Variants in SLC30A9 observed in about 807,000 individuals in gnomAD.
SLC30A9 encodes proton-coupled zinc antiporter SLC30A9, mitochondrial.
In SLC30A9, 58 loss-of-function variants were observed where a neutral mutation model predicts 87.5. The ratio of observed to expected loss-of-function variants is 0.66; its 90% CI spans 0.54 to 0.82. SLC30A9 has a LOEUF of 0.82. SLC30A9 is among the 40% of genes least tolerant of loss of function. The probability of loss-of-function intolerance (pLI) is 0.00; values close to 1 mark genes in which losing one functional copy is unlikely to be tolerated. For synonymous variants in SLC30A9, 234 were observed against 233.0 expected, an observed-to-expected ratio of 1.00 and a Z score of -0.04; for missense variants, 557 against 679.1, an observed-to-expected ratio of 0.82 and a Z score of 2.00.
At chr4:42,025,847 A>G (rs1033944311) in intron 6 of SLC30A9, among the ~76,000 whole-genome samples, 1 of 152,060 alleles carries the variant, frequency 6.6e-6, no homozygotes, top group Non-Finnish European at 1.5e-5. Flanking sequence ...TTGTATTTTT[A>G]GTAGAGACAG....
At chr4:42,001,970 G>A (rs1349367489) in intron 2 of SLC30A9, among the ~76,000 whole-genome samples, 190 bp downstream of exon 2, 2 of 151,778 alleles carry the variant, frequency 1.3e-5, no homozygotes, top group East Asian at 1.9e-4. Context: ...AGTTTTCTAC[G>A]AAAAACTATC....
Position 42,086,661 on chromosome 4 carries a change from C to G in SLC30A9, c.*535C>G, listed in dbSNP as rs770926320. 1 of 152,602 alleles carries G rather than the reference C, an allele frequency of 6.6e-6. No individual in the cohort carries two copies. Among genetic ancestry groups the G allele is most frequent in the Non-Finnish European group, 1.5e-5 (1 of 68,056 alleles). The allele number at this position is 152,602 out of a possible 1,614,324, so 9.5% of individuals were successfully genotyped here. The stretch of plus-strand genomic sequence containing the variant: ...TTTCTCCATACCTTGTGATTTTGAC[C>G]TGAGTGCTAAGAGAATCACTCTCCT... On this transcript the variant is annotated 3_prime_UTR_variant, in exon 18 of 18. Transcript: ENST00000264451.
intron 2 of SLC30A9, among the ~76,000 whole-genome samples, chr4:42,017,405 A>T (rs1715771313): frequency 6.7e-6 from 1 of 148,732 alleles, no homozygotes; most frequent in Non-Finnish European, 1.5e-5. Context: ...TTACTTGATG[A>T]ACAGTTTTTC....
At chr4:42,078,381 C>T (rs539745959) in intron 17 of SLC30A9, 56 bp downstream of exon 17, 12 of 906,332 alleles carry the variant, frequency 1.3e-5, no homozygotes, top group Admixed American at 1.0e-4. Context: ...TTTTTGAGTA[C>T]TTACTCTACA....
At chr4:42,036,455 C>G (rs929161849) in intron 7 of SLC30A9, among the ~76,000 whole-genome samples, 2 of 152,118 alleles carry the variant, frequency 1.3e-5, no homozygotes, top group South Asian at 4.1e-4. Context: ...AACCCCACCA[C>G]CCCACTGAAA....
Position 42,029,466 on chromosome 4 carries a change from G to A in SLC30A9, c.611-5809G>A, listed in dbSNP as rs887872271. The A allele has an allele frequency of 1.5e-5, 10 of 655,216 alleles. No homozygotes were observed. In the African/African-American group the frequency reaches 1.8e-4, roughly 12 times the overall value. 40.6% of individuals were successfully genotyped at this position (655,216 alleles called of 1,614,324 possible). On this transcript the variant is annotated intron_variant, in intron 6 of 17. Transcript: ENST00000264451. ...GATTAACACAGATTTCTCAGATCCA[G>A]CAGACTGAAATTGCCTTTCATCCTA...
intron 17 of SLC30A9, among the ~76,000 whole-genome samples, chr4:42,081,954 A>G (rs1718753840): frequency 6.6e-6 from 1 of 152,212 alleles, no homozygotes; most frequent in Non-Finnish European, 1.5e-5. Context: ...GCGGTTGCTC[A>G]TGCCTGTAAT....
At chr4:42,028,868 T>A (rs980862020) in intron 6 of SLC30A9, among the ~76,000 whole-genome samples, 2 of 152,232 alleles carry the variant, frequency 1.3e-5, no homozygotes, top group African/African-American at 4.8e-5. Context: ...TATCAAACAC[T>A]GAGTGGCTTA....
At chr4:42,078,788 G>A (rs1324319667) in intron 17 of SLC30A9, 1 of 152,330 alleles carries the variant, frequency 6.6e-6, no homozygotes, top group African/African-American at 2.4e-5. Flanking sequence ...TTATGTTACT[G>A]AAATATTACC....
intron 5 of SLC30A9, 87 bp from the exon 6 acceptor site, chr4:42,023,215 G>A (rs1035797965): frequency 3.2e-6 from 3 of 935,158 alleles, no homozygotes; most frequent in Non-Finnish European, 5.2e-6. Flanking sequence ...TTTGTTGTAA[G>A]ATTCTCATTA....
intron 5 of SLC30A9, 79 bp downstream of exon 5, chr4:42,023,009 AT>A (rs1716039224): frequency 2.5e-6 from 2 of 805,890 alleles, no homozygotes; most frequent in Non-Finnish European, 3.9e-6. Context: ...CAGAGTCAGA[AT>A]TTTTTAAATG....
rs189713720 is a variant in SLC30A9 at position 42,087,695 on chromosome 4, A to G, written c.*1569A>G. 1.3e-5 allele frequency: 2 copies of G among 150,886 alleles called. No individual in the cohort carries two copies. The highest frequency in any genetic ancestry group is 2.4e-5 in the African/African-American group (1 of 41,186). 9.3% of individuals were successfully genotyped at this position (150,886 alleles called of 1,614,324 possible). A position where few individuals can be genotyped will look rare whatever the true frequency, so the allele number is the denominator to read the frequency against. ...TTTAAGATAGAAAATTGTTATATATATATATAATTTGATACTCTATTCTTA... is the reference window on the plus strand; with the variant it reads ...TTTAAGATAGAAAATTGTTATATATGTATATAATTTGATACTCTATTCTTA... On this transcript the variant is annotated 3_prime_UTR_variant, in exon 18 of 18. Coordinates refer to ENST00000264451, the MANE Select transcript of SLC30A9 (RefSeq NM_006345.4).
At chr4:42,024,690 A>AGG (rs1324887580) in intron 6 of SLC30A9, among the ~76,000 whole-genome samples, 2 of 152,162 alleles carry the variant, frequency 1.3e-5, no homozygotes, top group African/African-American at 2.4e-5. Context: ...ACAGTGTATG[A>AGG]GGGAGACTAT....
rs551932191 is a variant in SLC30A9 at position 42,005,803 on chromosome 4, A to T, written c.274+4023A>T. Among the ~76,000 whole-genome samples, 3 of 152,348 alleles carry T rather than the reference A, an allele frequency of 2.0e-5. No homozygotes were observed. The South Asian group carries it at 6.2e-4, about 32-fold the overall frequency. On this transcript the variant is annotated intron_variant, in intron 2 of 17. Transcript: ENST00000264451. Reference sequence around the variant, plus strand: ...AAGGAAGCATTAAAGGAAGTCCTTTATTCATTTATTCATTAATTTACTCAA... The same window carrying T: ...AAGGAAGCATTAAAGGAAGTCCTTTTTTCATTTATTCATTAATTTACTCAA...
At chr4:42,018,806 T>G (rs114299342) in intron 3 of SLC30A9, among the ~76,000 whole-genome samples, 2,427 of 152,340 alleles carry the variant, frequency 0.016, 32 homozygotes, top group South Asian at 0.022. Context: ...AGGGTAACTT[T>G]GATTAACACA....
Position 42,001,874 on chromosome 4 carries a change from T to C in SLC30A9, c.274+94T>C, listed in dbSNP as rs994026049. The C allele has an allele frequency of 5.7e-5, 47 of 817,660 alleles. No homozygotes were observed. The South Asian group carries it at 8.2e-4, about 14-fold the overall frequency. The allele number at this position is 817,660 out of a possible 1,614,324, so 50.7% of individuals were successfully genotyped here. ...CTGGATGTTTGATAGAACTTACTTA[T>C]AATACTGTCTGGACTGATGTTTTCT... On this transcript the variant is annotated intron_variant, in intron 2 of 17. Coordinates refer to ENST00000264451, the MANE Select transcript of SLC30A9 (RefSeq NM_006345.4).
At chr4:42,008,867 G>A (rs2660319) in intron 2 of SLC30A9, among the ~76,000 whole-genome samples, 94,425 of 152,064 alleles carry the variant, frequency 0.62, 33,892 homozygotes, top group East Asian at 0.95. Flanking sequence ...GGGTTTACCT[G>A]TGCAATTTCT....
intron 6 of SLC30A9, among the ~76,000 whole-genome samples, chr4:42,024,967 G>C (rs1167245023): frequency 1.3e-5 from 2 of 152,082 alleles, no homozygotes; most frequent in East Asian, 3.8e-4. Context: ...AGTTTCATAT[G>C]TTCTAAATAT....
chr4:42,009,959 G>A (rs887189215), intron 2 of SLC30A9, among the ~76,000 whole-genome samples: 4 of 152,334 alleles, frequency 2.6e-5, no homozygotes, highest in African/African-American at 9.6e-5. Context: ...AGAAATGGAT[G>A]TGTAGGTTCT....
Sources: gnomAD v4.1 joint callset for allele counts (sites outside exome capture counted in the v4.1 genomes callset) on GRCh38, gnomAD v4.1.1 for gene constraint, MANE v1.5 for transcripts, NCBI Gene and HGNC (gene_info 2026-07-23, HGNC 2026-07-21) for gene names.